COL5A3: variants seen among roughly 807,000 people sequenced by gnomAD.
The protein encoded by COL5A3 is collagen alpha-3(V) chain.
Under a neutral mutation model 250.0 loss-of-function variants are expected in COL5A3, and 172 were observed. The ratio of observed to expected loss-of-function variants is 0.69; its 90% CI spans 0.61 to 0.78. The LOEUF (loss-of-function observed/expected upper bound fraction) is 0.78, where lower values mean the gene tolerates loss of function less well. COL5A3 is among the 30% of genes least tolerant of loss of function. COL5A3 has a pLI of 0.00. For missense variants in COL5A3, 2,340 were observed against 2,334.4 expected (o/e 1.00, Z -0.05); for synonymous variants, 937 against 900.4 (o/e 1.04, Z -0.73).
rs1400032153 is a variant in COL5A3 at position 9,969,625 on chromosome 19, G to A, written c.4048C>T (p.Pro1350Ser). The change falls in exon 56 of 67, where the codon CCC (proline) becomes TCC (serine). Residue 1350 changes from proline to serine, a missense_variant. Pro to Ser is a moderately conservative substitution (Grantham distance 74, BLOSUM62 -1). Coordinates refer to ENST00000264828, the MANE Select transcript of COL5A3 (RefSeq NM_015719.4). Reference protein sequence around the residue: ...GRTGPMGARGPPGRVGPEGLR... With the variant: ...GRTGPMGARGSPGRVGPEGLR... ...CCCTCAGGCCCCACACGTCCAGGGG[G>A]CCCTCTAGCCCCCATTGGACCCGTC... 5.0e-6 allele frequency: 8 copies of A among 1,592,142 alleles called. No homozygotes were observed. In the East Asian group the frequency reaches 1.1e-4, roughly 22 times the overall value.
At position 9,966,707 on chromosome 19, in the gene COL5A3, G is replaced by A; in HGVS notation, c.4498C>T (p.Arg1500Cys). ...AELHGLRRRR[R>C]FVPVPLPVVE... ...ACTGGAAGCGGGACTGGGACGAAGCGCCGGCGCCTGCGCAGCCCATGCAGC... is the reference window on the plus strand; with the variant it reads ...ACTGGAAGCGGGACTGGGACGAAGCACCGGCGCCTGCGCAGCCCATGCAGC... Residue 1500 changes from arginine to cysteine, a missense_variant, in exon 63 of 67, where the codon CGC becomes TGC. This residue lies in a region of COL5A3 where 1,179 missense variants were observed against 1,162.6 expected (regional missense o/e 1.01). Transcript: ENST00000264828. 6.5e-7 allele frequency: 1 copy of A among 1,537,518 alleles called. No individual in the cohort carries two copies. Among genetic ancestry groups the A allele is most frequent in the Non-Finnish European group, 8.7e-7 (1 of 1,147,344 alleles).
At chr19:9,983,580 GAAAGAAAGAAAGAA>G (rs1228695658) in intron 31 of COL5A3, among the ~76,000 whole-genome samples, 2 of 94,494 alleles carry the variant, frequency 2.1e-5, no homozygotes, top group African/African-American at 3.8e-5. Flanking sequence ...AAGAAAGAAA[GAAAGAAAGAAAGAA>G]AGAAAGAGAA....
chr19:9,992,849 G>A lies in COL5A3; in HGVS notation c.1826C>T (p.Ser609Phe), dbSNP rs755284096. The change falls in exon 21 of 67, where the codon TCT becomes TTT. Residue 609 changes from serine to phenylalanine, a missense_variant. Ser to Phe is a radical substitution (Grantham distance 155). Around this residue, in one of 3 missense-constraint regions of COL5A3, gnomAD observed 1,152 missense variants for 1,146.3 expected, o/e 1.00. Coordinates refer to ENST00000264828, the MANE Select transcript of COL5A3 (RefSeq NM_015719.4). ...CACCGGGCGACCCGTGGGGCCAGGA[G>A]AGCCTCTGGGGCCAAGCAGTCCTCG... ...GPRGLLGPRG[S>F]PGPTGRPGVT... The A allele has an allele frequency of 7.0e-5, 113 of 1,614,062 alleles. No individual in the cohort carries two copies. Among genetic ancestry groups the A allele is most frequent in the Non-Finnish European group, 9.2e-5 (108 of 1,180,014 alleles).
rs2087227366 is a variant in COL5A3 at position 9,993,601 on chromosome 19, G to A, written c.1695+18C>T. The A allele has an allele frequency of 3.1e-6, 5 of 1,613,474 alleles. No individual in the cohort carries two copies. ...GGGAGGAGGGCTTAGACTTGGGGGA[G>A]GGACCTCACACACTCACCCTTTGGC... On this transcript the variant is annotated intron_variant, in intron 18 of 66. Coordinates refer to ENST00000264828, the MANE Select transcript of COL5A3 (RefSeq NM_015719.4).
chr19:10,007,553 G>A (rs965594399), intron 1 of COL5A3, among the ~76,000 whole-genome samples: 4 of 152,092 alleles, frequency 2.6e-5, no homozygotes, highest in African/African-American at 9.7e-5. Flanking sequence ...CCGAGCCCCT[G>A]TCTGATTCCC....
intron 45 of COL5A3, among the ~76,000 whole-genome samples, chr19:9,974,844 A>T (rs2086897662): frequency 6.6e-6 from 1 of 152,092 alleles, no homozygotes; most frequent in African/African-American, 2.4e-5. Flanking sequence ...GGCTTGGTTA[A>T]GAGATTTGAA....
In COL5A3 at chr19:9,979,863, C is replaced by G; in HGVS notation, c.2688G>C (p.Gly896=). 1.3e-6 allele frequency: 2 copies of G among 1,576,396 alleles called. No homozygotes were observed. Among genetic ancestry groups the G allele is most frequent in the South Asian group, 2.4e-5 (2 of 84,266 alleles). ...PGHQGKDGRP[G]HPGQRGELGF... is the part of the protein sequence containing the mutation. ...CCAGTTCTCCTCTCTGTCCAGGGTG[C>G]CCTGGTCGCCCATCTTTACCTTGGT... The change falls in exon 37 of 67, where the codon GGG becomes GGC. Residue 896 remains glycine (G), a synonymous_variant. Coordinates refer to ENST00000264828, the MANE Select transcript of COL5A3 (RefSeq NM_015719.4).
At chr19:9,988,992 C>T (rs2145115272) in intron 27 of COL5A3, 132 bp downstream of exon 27, 3 of 902,024 alleles carry the variant, frequency 3.3e-6, no homozygotes, top group Non-Finnish European at 5.4e-6. Context: ...CAGCTCCAAA[C>T]CCCAGTCCCA....
At chr19:9,996,570 C>G (rs370909615) in intron 12 of COL5A3, 45 bp downstream of exon 12, 1 of 1,613,084 alleles carries the variant, frequency 6.2e-7, no homozygotes. Context: ...CCTCCTGGAT[C>G]AGGACTCCAC....
intron 31 of COL5A3, among the ~76,000 whole-genome samples, chr19:9,982,443 T>G (rs1232235488): frequency 6.6e-6 from 1 of 152,206 alleles, no homozygotes; most frequent in Non-Finnish European, 1.5e-5. Context: ...ACCACCATCC[T>G]GGCTTCCACA....
Position 9,967,347 on chromosome 19 carries a change from C to T in COL5A3, c.4458G>A (p.Pro1486=), listed in dbSNP as rs919058810. 2.6e-5 allele frequency: 37 copies of T among 1,438,406 alleles called. No homozygotes were observed. Among genetic ancestry groups the T allele is most frequent in the Admixed American group, 7.1e-5 (2 of 28,272 alleles). 89.1% of individuals were successfully genotyped at this position (1,438,406 alleles called of 1,614,324 possible). ...TTCCCCCGCCCCCCGGGGAACTCACCGGGGGGCCTGGTGGGCCTGCAGGTC... is the reference window on the plus strand; with the variant it reads ...TTCCCCCGCCCCCCGGGGAACTCACTGGGGGGCCTGGTGGGCCTGCAGGTC... The part of the protein sequence containing the change: ...DTGPAGPPGP[P]GAPAELHGLR... The change falls in exon 62 of 67, where the codon CCG becomes CCA. Residue 1486 remains proline, a splice_region_variant and synonymous_variant. Coordinates refer to ENST00000264828, the MANE Select transcript of COL5A3 (RefSeq NM_015719.4).
intron 54 of COL5A3, among the ~76,000 whole-genome samples, chr19:9,970,246 T>G (rs138165628): frequency 3.5e-4 from 7 of 20,038 alleles, no homozygotes; most frequent in Admixed American, 4.8e-4. Context: ...AGTGGGGTCT[T>G]TGGGGTGAGG....
At chr19:9,967,121 G>GA (rs944517706) in intron 62 of COL5A3, among the ~76,000 whole-genome samples, 2 of 152,126 alleles carry the variant, frequency 1.3e-5, no homozygotes, top group African/African-American at 4.8e-5. Flanking sequence ...CAAGAGACAA[G>GA]ACCCAGGTCA....
At chr19:9,977,526 C>T in intron 42 of COL5A3, 54 bp from the exon 43 acceptor site, 1 of 1,506,900 alleles carries the variant, frequency 6.6e-7, no homozygotes, top group Non-Finnish European at 8.9e-7. Context: ...CTGCAGGAGC[C>T]ATGTCCTGGG....
chr19:10,003,194 G>A (rs538954623), intron 6 of COL5A3, among the ~76,000 whole-genome samples: 15 of 152,186 alleles, frequency 9.9e-5, no homozygotes, highest in African/African-American at 2.6e-4. Flanking sequence ...TAATGAACAC[G>A]TCATTCAACC....
rs565246943 is a variant in COL5A3 at position 9,968,839 on chromosome 19, A to G, written c.4153-111T>C. On this transcript the variant is annotated intron_variant, in intron 57 of 66. Coordinates refer to ENST00000264828, the MANE Select transcript of COL5A3 (RefSeq NM_015719.4). The surrounding 1 kb of genome is among the most constrained non-coding windows in gnomAD (Gnocchi z 4.1). ...ATTATGCAGATTTCAAATGGGAATTACCAGGGATGAGGTCAAGGGATGGTC... is the reference window on the plus strand; with the variant it reads ...ATTATGCAGATTTCAAATGGGAATTGCCAGGGATGAGGTCAAGGGATGGTC... The G allele has an allele frequency of 1.1e-4, 109 of 968,506 alleles. No homozygotes were observed. In the Middle Eastern group the frequency reaches 1.9e-3, roughly 17 times the overall value. 60.0% of individuals were successfully genotyped at this position (968,506 alleles called of 1,614,324 possible).
In COL5A3 at chr19:10,005,988, G is replaced by T; in HGVS notation, c.248-3C>A. On this transcript the variant is annotated splice_polypyrimidine_tract_variant and splice_region_variant and intron_variant, in intron 2 of 66. Transcript: ENST00000264828. ...GAAGTTCTCAGGAAAGTGGCCTTCT[G>T]GGTGGGCAGAGGGAACAAGGCAGCT... The T allele has an allele frequency of 1.2e-6, 2 of 1,612,928 alleles. No homozygotes were observed. Among genetic ancestry groups the T allele is most frequent in the Middle Eastern group, 1.7e-4 (1 of 6,058 alleles).
Position 9,960,897 on chromosome 19 carries a change from AGAG to A in COL5A3, c.4852-10_4852-8del, listed in dbSNP as rs746610409. 2 of 1,601,696 alleles carry A rather than the reference AGAG, an allele frequency of 1.2e-6. No individual in the cohort carries two copies. The highest frequency in any genetic ancestry group is 3.3e-5 in the Admixed American group (2 of 59,968). ...CGGCGTCCACGTAGGAGAACTGGTG[AGAG>A]GAGGGCAAGGCAGAGGATGAGGGGC... is the stretch of plus-strand genomic sequence containing the variant. On this transcript the variant is annotated splice_polypyrimidine_tract_variant and splice_region_variant and intron_variant, in intron 65 of 66. Coordinates refer to ENST00000264828, the MANE Select transcript of COL5A3 (RefSeq NM_015719.4).
chr19:9,963,002 G>T, intron 64 of COL5A3, 115 bp from the exon 65 acceptor site: 2 of 775,406 alleles, frequency 2.6e-6, no homozygotes, highest in Non-Finnish European at 2.1e-6. Context: ...ATGTTCTCTG[G>T]CTTCTGGGAT....
Sources: allele counts gnomAD v4.1 joint callset (sites outside exome capture counted in the v4.1 genomes callset), GRCh38; gene constraint gnomAD v4.1.1; regional missense constraint gnomAD v4.1.1; non-coding constraint Gnocchi (gnomAD v3.1); transcripts MANE v1.5; gene names NCBI Gene and HGNC (gene_info 2026-07-23, HGNC 2026-07-21).